Variants in CNTN5 observed in about 807,000 individuals in gnomAD.
CNTN5 encodes the protein contactin-5.
A neutral mutation model predicts 129.1 loss-of-function variants in CNTN5; 77 were observed. The observed-to-expected ratio is 0.60, with a 90% confidence interval of 0.50 to 0.72. CNTN5 has a LOEUF of 0.72. CNTN5 is among the 30% of genes least tolerant of loss of function. The pLI, the probability that CNTN5 is intolerant of heterozygous loss-of-function variation, is 0.00. For missense variants in CNTN5, 1,478 were observed against 1,328.8 expected, an observed-to-expected ratio of 1.11 and a Z score of -1.75; for synonymous variants, 509 against 465.6, an observed-to-expected ratio of 1.09 and a Z score of -1.20.
intron 8 of CNTN5, among the ~76,000 whole-genome samples, chr11:99,975,162 G>C (rs1937861100): frequency 6.6e-6 from 1 of 152,192 alleles, no homozygotes; most frequent in Non-Finnish European, 1.5e-5. Context: ...AGGCAAAGGA[G>C]GAAAAGTTTT....
At chr11:99,429,926 C>A (rs1053267616) in intron 2 of CNTN5, among the ~76,000 whole-genome samples, 1 of 146,370 alleles carries the variant, frequency 6.8e-6, no homozygotes, top group Non-Finnish European at 1.5e-5. Flanking sequence ...GTCACACAGA[C>A]CATGGTAAAA....
At chr11:99,226,860 C>A (rs1407582384) in intron 1 of CNTN5, among the ~76,000 whole-genome samples, 1 of 152,150 alleles carries the variant, frequency 6.6e-6, no homozygotes, top group Non-Finnish European at 1.5e-5. Flanking sequence ...CATACCTTTT[C>A]TAGCTGTGTG....
intron 16 of CNTN5, among the ~76,000 whole-genome samples, chr11:100,226,395 G>A (rs551389760): frequency 1.3e-5 from 2 of 152,068 alleles, no homozygotes; most frequent in East Asian, 3.8e-4. Context: ...TGGACTATAG[G>A]GGGTAAATTT....
chr11:99,490,556 C>G (rs1249842277), intron 2 of CNTN5, among the ~76,000 whole-genome samples: 2 of 152,058 alleles, frequency 1.3e-5, no homozygotes, highest in Non-Finnish European at 2.9e-5. Context: ...AGACAAAGTG[C>G]TTAGTTACTG....
chr11:99,963,713 A>T (rs1485355449), intron 8 of CNTN5, among the ~76,000 whole-genome samples: 4 of 152,184 alleles, frequency 2.6e-5, no homozygotes, highest in Admixed American at 6.5e-5. Context: ...TAGTAGCTTG[A>T]TGGGGATGGC....
At chr11:99,152,146 A>G (rs1284169549) in intron 1 of CNTN5, among the ~76,000 whole-genome samples, 3 of 152,190 alleles carry the variant, frequency 2.0e-5, no homozygotes, top group African/African-American at 7.2e-5. Flanking sequence ...TTTTCTATTT[A>G]ATGGTAAAAA....
At position 99,793,869 on chromosome 11, in the gene CNTN5, A is replaced by C. The variant is rs576889939; in HGVS notation, c.56-25675A>C. On this transcript the variant is annotated intron_variant, in intron 3 of 24. Coordinates refer to ENST00000524871, the MANE Select transcript of CNTN5 (RefSeq NM_014361.4). ...ATTTTGGAGTGTGTGGCATGTGCACATGAGAAGAATACATAATCTATTGTT... is the reference window on the plus strand; with the variant it reads ...ATTTTGGAGTGTGTGGCATGTGCACCTGAGAAGAATACATAATCTATTGTT... 4.6e-5 allele frequency among the ~76,000 whole-genome samples: 7 copies of C among 152,322 alleles called. No homozygotes were observed. In the East Asian group the frequency reaches 1.2e-3, roughly 25 times the overall value.
At chr11:99,757,892 A>G (rs913380156) in intron 3 of CNTN5, among the ~76,000 whole-genome samples, 1 of 152,062 alleles carries the variant, frequency 6.6e-6, no homozygotes, top group Non-Finnish European at 1.5e-5. Flanking sequence ...ACCAGAAAGT[A>G]TCTGCCGCAC....
intron 21 of CNTN5, among the ~76,000 whole-genome samples, chr11:100,326,857 G>A (rs945945900): frequency 6.6e-6 from 1 of 152,218 alleles, no homozygotes; most frequent in African/African-American, 2.4e-5. Flanking sequence ...GCCATTTGGA[G>A]AACTGTGAAA....
chr11:99,966,846 G>A (rs1309049403), intron 8 of CNTN5, among the ~76,000 whole-genome samples: 1 of 152,138 alleles, frequency 6.6e-6, no homozygotes, highest in East Asian at 1.9e-4. Flanking sequence ...CAGTTTATAT[G>A]TTGCTTCCAT....
chr11:99,151,186 G>A (rs1051447932), intron 1 of CNTN5, among the ~76,000 whole-genome samples: 2 of 152,070 alleles, frequency 1.3e-5, no homozygotes, highest in African/African-American at 2.4e-5. Context: ...AAGGATTAAA[G>A]CGCCTGCTTT....
intron 15 of CNTN5, among the ~76,000 whole-genome samples, chr11:100,217,010 C>T (rs1020424606): frequency 3.3e-5 from 5 of 152,176 alleles, no homozygotes; most frequent in Non-Finnish European, 5.9e-5. Context: ...TCTTCAGCCC[C>T]ATTTTCTCAA....
At chr11:100,183,946 C>T (rs2138465911) in intron 13 of CNTN5, among the ~76,000 whole-genome samples, 1 of 152,146 alleles carries the variant, frequency 6.6e-6, no homozygotes, top group African/African-American at 2.4e-5. Flanking sequence ...TCAGGATTGG[C>T]CATTTCTTCA....
chr11:99,202,025 G>T (rs1014027528), intron 1 of CNTN5, among the ~76,000 whole-genome samples: 8 of 152,134 alleles, frequency 5.3e-5, no homozygotes, highest in African/African-American at 1.9e-4. Flanking sequence ...ATTTAGAAAT[G>T]CCACATTAAG....
At chr11:100,002,563 A>G (rs1939940994) in intron 9 of CNTN5, among the ~76,000 whole-genome samples, 1 of 152,194 alleles carries the variant, frequency 6.6e-6, no homozygotes. Flanking sequence ...TAATAGTTAC[A>G]TAGTGATCCT....
chr11:99,440,944 T>C (rs1943803853), intron 2 of CNTN5, among the ~76,000 whole-genome samples: 1 of 152,132 alleles, frequency 6.6e-6, no homozygotes, highest in Non-Finnish European at 1.5e-5. Context: ...GATGATATCA[T>C]AACAGAGCTG....
At chr11:100,178,938 A>G (rs1948052030) in intron 13 of CNTN5, among the ~76,000 whole-genome samples, 1 of 152,138 alleles carries the variant, frequency 6.6e-6, no homozygotes, top group South Asian at 2.1e-4. Flanking sequence ...CTTAGTGCAT[A>G]GCATGTTTTC....
At chr11:99,831,815 C>T (rs1014474530) in intron 4 of CNTN5, among the ~76,000 whole-genome samples, 1 of 152,164 alleles carries the variant, frequency 6.6e-6, no homozygotes, top group Non-Finnish European at 1.5e-5. Flanking sequence ...TTTGAGTCAG[C>T]TCATGAGGCA....
intron 2 of CNTN5, among the ~76,000 whole-genome samples, chr11:99,506,957 T>G (rs1043275364): frequency 6.6e-6 from 1 of 152,174 alleles, no homozygotes; most frequent in African/African-American, 2.4e-5. Context: ...AAAAATGCTA[T>G]TTTTATGAAA....
Sources: gnomAD v4.1 joint callset for allele counts (sites outside exome capture counted in the v4.1 genomes callset) on GRCh38, gnomAD v4.1.1 for gene constraint, MANE v1.5 for transcripts, NCBI Gene and HGNC (gene_info 2026-07-23, HGNC 2026-07-21) for gene names.